Variants in CTNNA1 observed in about 807,000 individuals in gnomAD.
The protein encoded by CTNNA1 is catenin alpha-1.
In CTNNA1, 37 loss-of-function variants were observed where a neutral mutation model predicts 98.4. That is an observed-to-expected ratio of 0.38 (90% CI 0.29 to 0.49). The LOEUF is 0.49. Among genes scored for constraint, CTNNA1 ranks in the 20% least tolerant of loss-of-function variants. The probability of loss-of-function intolerance (pLI) is 0.95; values close to 1 mark genes in which losing one functional copy is unlikely to be tolerated. For synonymous variants in CTNNA1, 404 were observed against 413.2 expected (o/e 0.98, Z 0.27); for missense variants, 761 against 1,147.2 (o/e 0.66, Z 4.86).
chr5:138,887,400 T>C (rs1483043362), intron 8 of CTNNA1, 90 bp from the exon 9 acceptor site: 2 of 935,568 alleles, frequency 2.1e-6, no homozygotes. Flanking sequence ...GTAAGCTTCA[T>C]TAGATTTAAG....
At position 138,924,544 on chromosome 5, in the gene CTNNA1, C is replaced by T. The variant is rs374565959; in HGVS notation, c.1581C>T (p.Val527=). The change falls in exon 12 of 18, where the codon GTC becomes GTT. Residue 527 remains valine (V), a synonymous_variant. Transcript: ENST00000302763. The part of the protein sequence containing the change: ...NHILEDVNKC[V]IALQEKDVDG... ...TTTTGGAAGATGTGAACAAATGTGT[C>T]ATTGCTCTCCAAGAGAAGGATGTGG... 1.2e-6 allele frequency: 2 copies of T among 1,614,022 alleles called. No homozygotes were observed. Among genetic ancestry groups the T allele is most frequent in the African/African-American group, 1.3e-5 (1 of 74,918 alleles).
chr5:138,799,857 G>GATGGATGGATGGATGT (rs151142176), intron 3 of CTNNA1, among the ~76,000 whole-genome samples: 13 of 149,020 alleles, frequency 8.7e-5, no homozygotes, highest in African/African-American at 3.2e-4. Context: ...AGTAGATGTA[G>GATGGATGGATGGATGT]ATGTATGTAT....
chr5:138,870,101 T>C (rs912126715), intron 7 of CTNNA1: 5 of 152,004 alleles, frequency 3.3e-5, no homozygotes, highest in African/African-American at 9.7e-5. Context: ...ATCTTAAAAA[T>C]AGAAAAAAAA....
At chr5:138,775,714 C>CTTTTTTTTTTTTT (rs750615535) in intron 1 of CTNNA1, among the ~76,000 whole-genome samples, 6 of 82,504 alleles carry the variant, frequency 7.3e-5, no homozygotes, top group African/African-American at 1.4e-4. Flanking sequence ...GGAAATATTT[C>CTTTTTTTTTTTTT]TTTTTTTTTT....
chr5:138,859,066 A>G (rs1403942083), intron 7 of CTNNA1, among the ~76,000 whole-genome samples: 1 of 152,236 alleles, frequency 6.6e-6, no homozygotes, highest in Non-Finnish European at 1.5e-5. Flanking sequence ...GGAGCATAGT[A>G]TGATTGATGG....
At chr5:138,879,048 G>C (rs376238778) in intron 7 of CTNNA1, among the ~76,000 whole-genome samples, 1 of 151,566 alleles carries the variant, frequency 6.6e-6, no homozygotes, top group Non-Finnish European at 1.5e-5. Flanking sequence ...CGTCTCTACC[G>C]AACATACAAA....
At chr5:138,793,975 TA>T (rs1265101765) in intron 3 of CTNNA1, among the ~76,000 whole-genome samples, 1 of 151,902 alleles carries the variant, frequency 6.6e-6, no homozygotes, top group Non-Finnish European at 1.5e-5. Context: ...TTATAGTATT[TA>T]AATAACTTCA....
intron 5 of CTNNA1, 70 bp from the exon 6 acceptor site, chr5:138,824,460 C>A: frequency 6.6e-7 from 1 of 1,521,204 alleles, no homozygotes; most frequent in Non-Finnish European, 8.9e-7. Flanking sequence ...CAGCATTTAC[C>A]AGCAAATTTT....
chr5:138,768,438 T>A (rs1753170711), intron 1 of CTNNA1, among the ~76,000 whole-genome samples: 4 of 151,748 alleles, frequency 2.6e-5, no homozygotes, highest in Admixed American at 2.0e-4. Flanking sequence ...TTTTTTTTTT[T>A]AAAGTAGAGA....
intron 3 of CTNNA1, among the ~76,000 whole-genome samples, chr5:138,793,742 A>G (rs1369580504): frequency 6.6e-6 from 1 of 152,228 alleles, no homozygotes; most frequent in Non-Finnish European, 1.5e-5. Context: ...TCAGGAAGTA[A>G]GTGCCTCTCT....
chr5:138,848,848 T>C lies in CTNNA1; in HGVS notation c.1062+21130T>C, dbSNP rs1324462501. Among the ~76,000 whole-genome samples the C allele has an allele frequency of 9.9e-5, 15 of 152,222 alleles. 1 individual carries two copies. The highest frequency in any genetic ancestry group is 8.5e-4 in the Admixed American group (13 of 15,278). Reference sequence around the variant, plus strand: ...CAAGTGATTTCCTGCCTCAGCCTCCTGAGTAGCTGGGATTACAGGTATGCA... The same window carrying C: ...CAAGTGATTTCCTGCCTCAGCCTCCCGAGTAGCTGGGATTACAGGTATGCA... On this transcript the variant is annotated intron_variant, in intron 7 of 17. Transcript: ENST00000302763.
intron 9 of CTNNA1, among the ~76,000 whole-genome samples, chr5:138,894,511 G>A (rs1756303906): frequency 6.6e-6 from 1 of 151,688 alleles, no homozygotes; most frequent in Admixed American, 6.6e-5. Flanking sequence ...AAACTCAAGT[G>A]ATCCTTCCAC....
At chr5:138,842,133 CTA>C (rs1762324800) in intron 7 of CTNNA1, among the ~76,000 whole-genome samples, 1 of 152,218 alleles carries the variant, frequency 6.6e-6, no homozygotes, top group Non-Finnish European at 1.5e-5. Context: ...AACTCTATCT[CTA>C]TAAAAATATT....
At chr5:138,837,194 CTG>C (rs1179857321) in intron 7 of CTNNA1, among the ~76,000 whole-genome samples, 2 of 152,094 alleles carry the variant, frequency 1.3e-5, no homozygotes, top group Non-Finnish European at 2.9e-5. Context: ...AATTATCTCT[CTG>C]TGATAGCATT....
Position 138,866,289 on chromosome 5 carries a change from T to TATTA in CTNNA1, c.1063-19920_1063-19919insAATT, listed in dbSNP as rs1297883009. On this transcript the variant is annotated intron_variant, in intron 7 of 17. Coordinates refer to ENST00000302763, the MANE Select transcript of CTNNA1 (RefSeq NM_001903.5). ...GTTGTAACTCATTTATTTATTTATT[T>TATTA]ATTTATTTATTTATTTATTTATTTA... 6.7e-4 allele frequency among the ~76,000 whole-genome samples: 92 copies of TATTA among 136,432 alleles called. 1 individual carries two copies. The South Asian group carries it at 0.011, about 17-fold the overall frequency. The allele number at this position is 136,432 out of a possible 152,430, so 89.5% of individuals were successfully genotyped here.
chr5:138,755,864 T>C (rs1235455980), intron 1 of CTNNA1, among the ~76,000 whole-genome samples: 1 of 123,468 alleles, frequency 8.1e-6, no homozygotes, highest in African/African-American at 3.4e-5. Context: ...TTTTTTTTTT[T>C]TTTTTTTTTT....
At chr5:138,800,646 T>C (rs1055122468) in intron 3 of CTNNA1, among the ~76,000 whole-genome samples, 14 of 151,624 alleles carry the variant, frequency 9.2e-5, no homozygotes, top group African/African-American at 2.4e-4. Context: ...AAAAAAAGAA[T>C]AGAAAAATTA....
chr5:138,856,420 C>G (rs1367179309), intron 7 of CTNNA1, among the ~76,000 whole-genome samples: 1 of 152,016 alleles, frequency 6.6e-6, no homozygotes, highest in Non-Finnish European at 1.5e-5. Flanking sequence ...CATAGCTTAC[C>G]AAAGTTTTAA....
intron 16 of CTNNA1, chr5:138,932,341 C>A: frequency 7.4e-7 from 1 of 1,345,186 alleles, no homozygotes; most frequent in South Asian, 1.8e-5. Flanking sequence ...GGCTATACAA[C>A]CAGTGCCATG....
Sources: allele counts gnomAD v4.1 joint callset (sites outside exome capture counted in the v4.1 genomes callset), GRCh38; gene constraint gnomAD v4.1.1; transcripts MANE v1.5; gene names NCBI Gene and HGNC (gene_info 2026-07-23, HGNC 2026-07-21).